The following STAU2 variants were observed in gnomAD, a reference collection of about 807,000 sequenced individuals.
STAU2 encodes double-stranded RNA-binding protein Staufen homolog 2.
STAU2 carries 20 observed loss-of-function variants against 65.9 expected under a neutral mutation model. That is an observed-to-expected ratio of 0.30 (90% CI 0.21 to 0.44). The LOEUF (loss-of-function observed/expected upper bound fraction) is 0.44, where lower values mean the gene tolerates loss of function less well. Among genes scored for constraint, STAU2 ranks in the 20% least tolerant of loss-of-function variants. The pLI, the probability that STAU2 is intolerant of heterozygous loss-of-function variation, is 1.00. For synonymous variants in STAU2, 232 were observed against 233.9 expected, an observed-to-expected ratio of 0.99 and a Z score of 0.07; for missense variants, 558 against 683.9, an observed-to-expected ratio of 0.82 and a Z score of 2.05.
At chr8:73,612,639 A>C (rs533759625) in intron 9 of STAU2, among the ~76,000 whole-genome samples, 1 of 152,376 alleles carries the variant, frequency 6.6e-6, no homozygotes, top group East Asian at 1.9e-4. Flanking sequence ...AGTATTCATT[A>C]AAAACAAATA....
chr8:73,468,881 G>C (rs1005264561), intron 13 of STAU2, among the ~76,000 whole-genome samples: 4 of 152,190 alleles, frequency 2.6e-5, no homozygotes, highest in Non-Finnish European at 1.5e-5. Context: ...TTCAACCATT[G>C]TGGAAGACAG....
intron 13 of STAU2, among the ~76,000 whole-genome samples, chr8:73,517,380 G>A (rs930971067): frequency 2.0e-5 from 3 of 152,256 alleles, no homozygotes; most frequent in African/African-American, 7.2e-5. Flanking sequence ...AGCTAAGATT[G>A]TGCCACTGCA....
intron 6 of STAU2, among the ~76,000 whole-genome samples, chr8:73,641,556 T>A: frequency 1.3e-5 from 2 of 152,202 alleles, no homozygotes; most frequent in Non-Finnish European, 2.9e-5. Flanking sequence ...TTGCCCTGTA[T>A]CCACAGATCA....
intron 6 of STAU2, among the ~76,000 whole-genome samples, chr8:73,668,334 A>G (rs1411864606): frequency 6.6e-6 from 1 of 152,176 alleles, no homozygotes; most frequent in African/African-American, 2.4e-5. Context: ...CATCTCCCCA[A>G]GAGATATCCC....
chr8:73,500,056 T>C (rs888461283), intron 13 of STAU2, among the ~76,000 whole-genome samples: 4 of 151,842 alleles, frequency 2.6e-5, no homozygotes, highest in Non-Finnish European at 5.9e-5. Flanking sequence ...AAATAACATA[T>C]ATGTGTCTAG....
At chr8:73,690,756 TTTAA>T (rs1442886385) in intron 4 of STAU2, among the ~76,000 whole-genome samples, 5 of 152,226 alleles carry the variant, frequency 3.3e-5, no homozygotes, top group Non-Finnish European at 5.9e-5. Context: ...TCTGTAGATT[TTTAA>T]TTAATCAAAA....
intron 3 of STAU2, among the ~76,000 whole-genome samples, chr8:73,731,294 C>A (rs1357392689): frequency 6.6e-6 from 1 of 152,150 alleles, no homozygotes; most frequent in East Asian, 1.9e-4. Flanking sequence ...CCAATCCCAA[C>A]CCCCTTAGCT....
chr8:73,689,204 A>T (rs1376307206), intron 4 of STAU2, among the ~76,000 whole-genome samples: 2 of 152,220 alleles, frequency 1.3e-5, no homozygotes, highest in African/African-American at 4.8e-5. Context: ...ATAAAATCTA[A>T]TTCCTTGAAT....
In STAU2 at chr8:73,655,806, A is replaced by G. The variant is rs534231615; in HGVS notation, c.410+17301T>C. On this transcript the variant is annotated intron_variant, in intron 6 of 14. Coordinates refer to ENST00000524300, the MANE Select transcript of STAU2 (RefSeq NM_001164380.2). ...TGGGACTACAGGTGCCTGCCACCAC[A>G]CCCGGCTAATTTTTTGTATTTTTAG... 8.6e-3 allele frequency among the ~76,000 whole-genome samples: 1,304 copies of G among 151,472 alleles called. 20 individuals are homozygous for G. The highest frequency in any genetic ancestry group is 0.029 in the African/African-American group (1,215 of 41,282).
In STAU2 at chr8:73,573,435, G is replaced by A. The variant is rs1386610493; in HGVS notation, c.1222+9335C>T. On this transcript the variant is annotated intron_variant, in intron 12 of 14. Coordinates refer to ENST00000524300, the MANE Select transcript of STAU2 (RefSeq NM_001164380.2). ...TTCATATGGAACCAAAAAAGAGCCT[G>A]CATTGCCAAGTCAATCCTAAGCCAA... Among the ~76,000 whole-genome samples, 3 of 152,184 alleles carry A rather than the reference G, an allele frequency of 2.0e-5. 1 individual carries two copies. The highest frequency in any genetic ancestry group is 4.1e-4 in the South Asian group (2 of 4,832).
chr8:73,625,413 C>T (rs757306535), intron 6 of STAU2, among the ~76,000 whole-genome samples: 9 of 152,108 alleles, frequency 5.9e-5, no homozygotes, highest in South Asian at 2.1e-4. Context: ...ACAACATAAA[C>T]GAACTTACAT....
In STAU2 at chr8:73,552,469, T is replaced by C. The variant is rs539723181; in HGVS notation, c.1223-150A>G. ...ATCTTTGTCATACTGTAGAGGCAGT[T>C]GCAGCTTCTATTGAAAGGTGAATAA... On this transcript the variant is annotated intron_variant, in intron 12 of 14. Transcript: ENST00000524300. 6 of 689,966 alleles carry C rather than the reference T, an allele frequency of 8.7e-6. 1 individual carries two copies. Among genetic ancestry groups the C allele is most frequent in the South Asian group, 2.4e-5 (1 of 40,930 alleles). 42.7% of individuals were successfully genotyped at this position (689,966 alleles called of 1,614,324 possible). A position where few individuals can be genotyped will look rare whatever the true frequency, so the allele number is the denominator to read the frequency against.
intron 4 of STAU2, among the ~76,000 whole-genome samples, chr8:73,697,915 A>G (rs1819795465): frequency 6.6e-6 from 1 of 152,038 alleles, no homozygotes; most frequent in Non-Finnish European, 1.5e-5. Flanking sequence ...CCCCATCTCT[A>G]CTAAAAATAC....
chr8:73,699,860 C>CAAAAAAAAAA (rs201419278), intron 4 of STAU2, among the ~76,000 whole-genome samples: 8 of 88,860 alleles, frequency 9.0e-5, no homozygotes, highest in Admixed American at 1.3e-4. Flanking sequence ...AAACACACAT[C>CAAAAAAAAAA]AAAAAAAAAA....
chr8:73,649,869 T>TTATTTTTATATATA (rs71269927), intron 6 of STAU2, among the ~76,000 whole-genome samples: 8 of 71,628 alleles, frequency 1.1e-4, no homozygotes, highest in Non-Finnish European at 1.8e-4. Flanking sequence ...CTATATAATT[T>TTATTTTTATATATA]TATATATATA....
intron 13 of STAU2, among the ~76,000 whole-genome samples, chr8:73,446,330 C>T (rs1818465028): frequency 6.6e-6 from 1 of 152,180 alleles, no homozygotes; most frequent in African/African-American, 2.4e-5. Context: ...CGAGGGAGAG[C>T]CTCATGGTGA....
intron 3 of STAU2, among the ~76,000 whole-genome samples, chr8:73,736,134 G>C (rs980307448): frequency 6.6e-6 from 1 of 152,192 alleles, no homozygotes; most frequent in Non-Finnish European, 1.5e-5. Flanking sequence ...CACTAGGGAA[G>C]TTTCTAGTAC....
chr8:73,464,791 AAAGG>A (rs1055407234), intron 13 of STAU2, among the ~76,000 whole-genome samples: 7 of 152,226 alleles, frequency 4.6e-5, no homozygotes. Flanking sequence ...TGCTTAACAG[AAAGG>A]AAGTTGGGAG....
At chr8:73,702,935 G>A (rs138326628) in intron 4 of STAU2, among the ~76,000 whole-genome samples, 134 of 152,278 alleles carry the variant, frequency 8.8e-4, no homozygotes, top group Admixed American at 3.3e-3. Flanking sequence ...CTCATACACC[G>A]CTGAGGGGAA....
Sources: allele counts gnomAD v4.1 joint callset (sites outside exome capture counted in the v4.1 genomes callset), GRCh38; gene constraint gnomAD v4.1.1; transcripts MANE v1.5; gene names NCBI Gene and HGNC (gene_info 2026-07-23, HGNC 2026-07-21).